The following NR2F1-AS1 variants were observed in gnomAD, a reference collection of about 807,000 sequenced individuals.
The protein encoded by NR2F1-AS1 is NR2F1 antisense RNA 1.
upstream of NR2F1-AS1, chr5:93,583,295 CTTCTT>C (rs1248810192): frequency 1.3e-5 from 2 of 148,770 alleles, no homozygotes; most frequent in Non-Finnish European, 3.0e-5. Context: ...CTCTCTCTCT[CTTCTT>C]CTCTTCTCTC....
At chr5:93,486,935 G>A (rs1274711191) in intron 4 of NR2F1-AS1, among the ~76,000 whole-genome samples, 1 of 152,112 alleles carries the variant, frequency 6.6e-6, no homozygotes, top group African/African-American at 2.4e-5. Flanking sequence ...TGCAAGGCTG[G>A]TTCAACATAT....
chr5:93,426,982 T>C (rs1278800266), intron 4 of NR2F1-AS1, among the ~76,000 whole-genome samples: 2 of 152,204 alleles, frequency 1.3e-5, no homozygotes, highest in Non-Finnish European at 2.9e-5. Context: ...ATAATTTTTC[T>C]GGGCATCGAT....
chr5:93,488,375 A>G (rs577841727), intron 4 of NR2F1-AS1, among the ~76,000 whole-genome samples: 1 of 152,336 alleles, frequency 6.6e-6, no homozygotes, highest in Admixed American at 6.5e-5. Context: ...ATCTACAAGG[A>G]ACTTAAACAA....
At chr5:93,411,609 C>T (rs1748857936) in intron 4 of NR2F1-AS1, 1 of 152,088 alleles carries the variant, frequency 6.6e-6, no homozygotes, top group Non-Finnish European at 1.5e-5. Flanking sequence ...AATGTTATTT[C>T]GCTCAACATT....
chr5:93,414,162 GA>G (rs1383492771), intron 4 of NR2F1-AS1, among the ~76,000 whole-genome samples: 1 of 152,094 alleles, frequency 6.6e-6, no homozygotes, highest in African/African-American at 2.4e-5. Flanking sequence ...AAAAGAATTG[GA>G]TAATGGATTT....
chr5:93,424,409 T>C (rs1749154241), intron 4 of NR2F1-AS1, among the ~76,000 whole-genome samples: 1 of 152,004 alleles, frequency 6.6e-6, no homozygotes, highest in South Asian at 2.1e-4. Flanking sequence ...GTATTTACTA[T>C]ATGATCAAGG....
chr5:93,556,341 A>G (rs1752354688), intron 2 of NR2F1-AS1, among the ~76,000 whole-genome samples: 1 of 152,164 alleles, frequency 6.6e-6, no homozygotes, highest in South Asian at 2.1e-4. Flanking sequence ...TCCAAAGCAA[A>G]TGTTCATACA....
intron 4 of NR2F1-AS1, among the ~76,000 whole-genome samples, chr5:93,510,405 C>T (rs1450299804): frequency 2.0e-5 from 3 of 152,094 alleles, no homozygotes; most frequent in African/African-American, 7.2e-5. Context: ...CATCTGAAAT[C>T]CATATTCCCT....
At chr5:93,460,838 T>C (rs1750074886) in intron 4 of NR2F1-AS1, among the ~76,000 whole-genome samples, 1 of 152,168 alleles carries the variant, frequency 6.6e-6, no homozygotes, top group Admixed American at 6.6e-5. Context: ...AAACAACACA[T>C]GCTGGTGAGG....
chr5:93,558,883 G>C (rs1341959752), intron 2 of NR2F1-AS1, among the ~76,000 whole-genome samples: 3 of 152,150 alleles, frequency 2.0e-5, no homozygotes, highest in Non-Finnish European at 2.9e-5. Flanking sequence ...CTGTCATCCT[G>C]ACTTTGCTGT....
At chr5:93,456,811 T>C (rs1407797624) in intron 4 of NR2F1-AS1, among the ~76,000 whole-genome samples, 1 of 152,002 alleles carries the variant, frequency 6.6e-6, no homozygotes, top group Non-Finnish European at 1.5e-5. Flanking sequence ...AGGGAGACAA[T>C]GGAGAGTGGC....
At chr5:93,569,835 A>G (rs1277643924) in intron 1 of NR2F1-AS1, 1 of 152,194 alleles carries the variant, frequency 6.6e-6, no homozygotes, top group Admixed American at 6.5e-5. Context: ...CAATCAAATG[A>G]AGTCATTTTT....
chr5:93,461,512 A>G (rs1400326303), intron 4 of NR2F1-AS1, among the ~76,000 whole-genome samples: 1 of 152,202 alleles, frequency 6.6e-6, no homozygotes, highest in Admixed American at 6.5e-5. Flanking sequence ...AAATTAAAAA[A>G]AAATTCAGTC....
At chr5:93,533,815 G>A (rs961077704) in intron 4 of NR2F1-AS1, among the ~76,000 whole-genome samples, 6 of 152,148 alleles carry the variant, frequency 3.9e-5, no homozygotes, top group South Asian at 2.1e-4. Context: ...AAGCAATGTC[G>A]TTTAACTTTA....
intron 4 of NR2F1-AS1, among the ~76,000 whole-genome samples, chr5:93,521,901 T>C (rs1751508414): frequency 6.6e-6 from 1 of 152,186 alleles, no homozygotes. Context: ...TATAGACACA[T>C]GCATGTGGCT....
intron 4 of NR2F1-AS1, among the ~76,000 whole-genome samples, chr5:93,535,229 G>A (rs1269931282): frequency 6.6e-6 from 1 of 151,216 alleles, no homozygotes; most frequent in Non-Finnish European, 1.5e-5. Context: ...CATGTCTGTG[G>A]CATAACTACA....
At chr5:93,554,296 T>C (rs958377186) in intron 3 of NR2F1-AS1, among the ~76,000 whole-genome samples, 1 of 152,214 alleles carries the variant, frequency 6.6e-6, no homozygotes, top group African/African-American at 2.4e-5. Context: ...TACCATTAAA[T>C]GTAATATGAC....
intron 2 of NR2F1-AS1, among the ~76,000 whole-genome samples, chr5:93,556,857 G>A (rs1209228440): frequency 1.3e-5 from 2 of 152,076 alleles, no homozygotes; most frequent in African/African-American, 4.8e-5. Flanking sequence ...TGAGTCAGTC[G>A]CCCAGTTTGT....
chr5:93,449,303 T>C (rs1749780745), intron 4 of NR2F1-AS1, among the ~76,000 whole-genome samples: 1 of 152,166 alleles, frequency 6.6e-6, no homozygotes, highest in African/African-American at 2.4e-5. Context: ...AAAACTCTCA[T>C]TAGTATGAGT....
Sources: gnomAD v4.1 joint callset for allele counts (sites outside exome capture counted in the v4.1 genomes callset) on GRCh38, gnomAD v4.1.1 for gene constraint, MANE v1.5 for transcripts, NCBI Gene and HGNC (gene_info 2026-07-23, HGNC 2026-07-21) for gene names.